Variants in PRKX observed in about 807,000 individuals in gnomAD.
The protein encoded by PRKX is cAMP-dependent protein kinase catalytic subunit PRKX.
PRKX carries 12 observed loss-of-function variants against 22.0 expected under a neutral mutation model. The ratio of observed to expected loss-of-function variants is 0.54; its 90% CI spans 0.35 to 0.88. PRKX has a LOEUF of 0.88. Ranked by LOEUF, PRKX falls within the 40% of genes least tolerant of loss-of-function variation. The probability of loss-of-function intolerance (pLI) is 0.01; values close to 1 mark genes in which losing one functional copy is unlikely to be tolerated. For synonymous variants in PRKX, 134 were observed against 137.7 expected (o/e 0.97, Z 0.19); for missense variants, 217 against 308.0 (o/e 0.70, Z 2.21).
intron 1 of PRKX, among the ~76,000 whole-genome samples, chrX:3,696,882 TG>T (rs1390658146): frequency 8.9e-6 from 1 of 111,736 alleles, no homozygotes; most frequent in Non-Finnish European, 1.9e-5. Context: ...TAGCCAAGCA[TG>T]GTGGCATGTG....
At chrX:3,690,302 G>C (rs985606416) in intron 1 of PRKX, among the ~76,000 whole-genome samples, 3 of 112,173 alleles carry the variant, frequency 2.7e-5, no homozygotes, top group Non-Finnish European at 5.6e-5. Flanking sequence ...GGTCTAGACA[G>C]TTGGAAACAA....
chrX:3,702,578 G>A (rs1319404121), intron 1 of PRKX, among the ~76,000 whole-genome samples: 2 of 105,094 alleles, frequency 1.9e-5, no homozygotes, highest in East Asian at 3.0e-4. Context: ...CAGGAACTGC[G>A]TGAGACAACT....
At chrX:3,676,722 C>G (rs1569057751) in intron 1 of PRKX, among the ~76,000 whole-genome samples, 3 of 111,844 alleles carry the variant, frequency 2.7e-5, no homozygotes, top group African/African-American at 3.3e-5. Flanking sequence ...CAAGTCTAAT[C>G]TTGAAGTGTG....
intron 1 of PRKX, among the ~76,000 whole-genome samples, chrX:3,696,335 T>C (rs1247433006): frequency 9.0e-6 from 1 of 111,457 alleles, no homozygotes; most frequent in Non-Finnish European, 1.9e-5. Flanking sequence ...AATGATGACA[T>C]TACACCCCAT....
At chrX:3,621,810 C>T (rs778179725) in intron 5 of PRKX, among the ~76,000 whole-genome samples, 1 of 111,188 alleles carries the variant, frequency 9.0e-6, no homozygotes, top group African/African-American at 3.3e-5. Context: ...CACTTATAAT[C>T]TTCCTTTTAA....
intron 2 of PRKX, among the ~76,000 whole-genome samples, chrX:3,661,643 C>G (rs887507554): frequency 9.1e-6 from 1 of 110,180 alleles, no homozygotes; most frequent in Non-Finnish European, 1.9e-5. Context: ...TTGTACAGAG[C>G]TGGGTATCAC....
intron 3 of PRKX, among the ~76,000 whole-genome samples, chrX:3,653,675 TATAA>T (rs759197622): frequency 2.9e-5 from 2 of 67,971 alleles, no homozygotes; most frequent in African/African-American, 1.1e-4. Flanking sequence ...ATGTGATATA[TATAA>T]TATATATAAT....
intron 2 of PRKX, among the ~76,000 whole-genome samples, chrX:3,660,888 G>T (rs1927580915): frequency 9.1e-6 from 1 of 109,947 alleles, no homozygotes; most frequent in Non-Finnish European, 1.9e-5. Context: ...GGAGGGAAGG[G>T]ACGAGGAGAG....
intron 7 of PRKX, among the ~76,000 whole-genome samples, chrX:3,614,480 G>T (rs1227436498): frequency 9.0e-6 from 1 of 111,696 alleles, no homozygotes; most frequent in Non-Finnish European, 1.9e-5. Context: ...AGAGCAAGAC[G>T]CTGTCTCAAA....
intron 4 of PRKX, among the ~76,000 whole-genome samples, chrX:3,630,900 A>G (rs1322706308): frequency 8.9e-6 from 1 of 111,817 alleles, no homozygotes; most frequent in Non-Finnish European, 1.9e-5. Context: ...CCATTTCATC[A>G]ACCAGTAAGT....
intron 4 of PRKX, among the ~76,000 whole-genome samples, chrX:3,640,501 T>G (rs1055206768): frequency 2.7e-5 from 3 of 112,098 alleles, no homozygotes; most frequent in African/African-American, 6.5e-5. Flanking sequence ...GGTCTAGTCA[T>G]AGTGGAGCTG....
chrX:3,638,411 C>G (rs1423507163), intron 4 of PRKX, among the ~76,000 whole-genome samples: 1 of 111,668 alleles, frequency 9.0e-6, no homozygotes, highest in East Asian at 2.8e-4. Context: ...ACGAACCTCA[C>G]TCTATTTAAA....
Position 3,655,224 on chromosome X carries a change from G to C in PRKX, c.524C>G (p.Pro175Arg), listed in dbSNP as rs376515648. ...SKEIVYRDLK[P>R]ENILLDRDGH... The stretch of plus-strand genomic sequence containing the variant: ...ATCCCTATCCAGCAGGATGTTCTCT[G>C]GCTTCAAGTCCCTGTAGACGATCTC... Residue 175 changes from proline (P) to arginine (R), a missense_variant, in exon 3 of 9, where the codon CCA becomes CGA. By Grantham distance (103) the Pro-to-Arg change is moderately radical. Transcript: ENST00000262848. The C allele has an allele frequency of 1.7e-6, 2 of 1,212,034 alleles. No homozygotes were observed. Among genetic ancestry groups the C allele is most frequent in the Non-Finnish European group, 2.2e-6 (2 of 895,546 alleles).
intron 4 of PRKX, among the ~76,000 whole-genome samples, chrX:3,629,707 T>G (rs984269524): frequency 9.0e-6 from 1 of 111,538 alleles, no homozygotes; most frequent in Admixed American, 9.5e-5. Flanking sequence ...CAGGCTGGAG[T>G]GCAGTGGTGC....
intron 1 of PRKX, among the ~76,000 whole-genome samples, chrX:3,692,827 G>A (rs1051028676): frequency 1.6e-4 from 18 of 111,252 alleles, no homozygotes; most frequent in African/African-American, 5.9e-4. Flanking sequence ...GCGCCAGGTC[G>A]TAAGCAACTG....
intron 8 of PRKX, 149 bp downstream of exon 8, chrX:3,612,028 G>A (rs894147565): frequency 4.1e-5 from 19 of 460,899 alleles, no homozygotes; most frequent in Middle Eastern, 6.6e-4. Flanking sequence ...TGTTTATTTC[G>A]CTGACCCTTG....
At chrX:3,651,433 C>T (rs1375704841) in intron 3 of PRKX, among the ~76,000 whole-genome samples, 2 of 111,734 alleles carry the variant, frequency 1.8e-5, no homozygotes, top group East Asian at 5.6e-4. Flanking sequence ...TACTAATATA[C>T]CGTGTGCTGC....
At chrX:3,627,840 T>C (rs1181863295) in intron 4 of PRKX, among the ~76,000 whole-genome samples, 3 of 110,637 alleles carry the variant, frequency 2.7e-5, no homozygotes, top group South Asian at 7.6e-4. Flanking sequence ...TGGAGGTTCC[T>C]CAGAAAAGCT....
intron 1 of PRKX, among the ~76,000 whole-genome samples, chrX:3,701,080 TTTC>T (rs1479575821): frequency 9.3e-6 from 1 of 107,103 alleles, no homozygotes; most frequent in Non-Finnish European, 1.9e-5. Flanking sequence ...TTCTGTTTTC[TTTC>T]TTCATCTTTT....
Sources: allele counts gnomAD v4.1 joint callset (sites outside exome capture counted in the v4.1 genomes callset), GRCh38; gene constraint gnomAD v4.1.1; transcripts MANE v1.5; gene names NCBI Gene and HGNC (gene_info 2026-07-23, HGNC 2026-07-21).